The following CAPN11 variants were observed in gnomAD, a reference collection of about 807,000 sequenced individuals.
The protein encoded by CAPN11 is calpain 11.
A neutral mutation model predicts 105.3 loss-of-function variants in CAPN11; 108 were observed. That is an observed-to-expected ratio of 1.03 (90% CI 0.88 to 1.20). The LOEUF (loss-of-function observed/expected upper bound fraction) is 1.20. Among genes scored for constraint, CAPN11 ranks in the 50% most tolerant of loss-of-function variants. CAPN11 has a pLI of 0.00. For synonymous variants in CAPN11, 329 were observed against 344.5 expected, an observed-to-expected ratio of 0.96 and a Z score of 0.50; for missense variants, 883 against 924.8, an observed-to-expected ratio of 0.95 and a Z score of 0.59.
chr6:44,162,281 C>T (rs1768985522), intron 1 of CAPN11, among the ~76,000 whole-genome samples: 1 of 151,926 alleles, frequency 6.6e-6, no homozygotes, highest in East Asian at 1.9e-4. Context: ...CTGCTTTCCA[C>T]CCTTCCCTCG....
At chr6:44,159,303 A>T (rs1453927488) in intron 1 of CAPN11, among the ~76,000 whole-genome samples, 1 of 152,140 alleles carries the variant, frequency 6.6e-6, no homozygotes, top group African/African-American at 2.4e-5. Flanking sequence ...CAGGTCCCTC[A>T]GCCCAGGAAG....
In CAPN11 at chr6:44,169,503, T is replaced by A. The variant is rs1038789489; in HGVS notation, c.311T>A (p.Val104Glu). ...GACCTGGGCCCCAACTCCAAAAATG[T>A]GCAGAACATCTCCTGGCAGCGGCCC... Reference protein sequence around the residue: ...FKDLGPNSKNVQNISWQRPKD... With the variant: ...FKDLGPNSKNEQNISWQRPKD... The change falls in exon 3 of 23, where the codon GTG (valine) becomes GAG (glutamate). Residue 104 changes from valine (V) to glutamate (E), a missense_variant. Transcript: ENST00000398776. 2.1e-5 allele frequency: 34 copies of A among 1,598,930 alleles called. No homozygotes were observed. The highest frequency in any genetic ancestry group is 2.8e-5 in the Non-Finnish European group (33 of 1,172,984).
intron 1 of CAPN11, among the ~76,000 whole-genome samples, chr6:44,164,607 G>T (rs965784443): frequency 2.0e-5 from 3 of 152,182 alleles, no homozygotes; most frequent in African/African-American, 7.2e-5. Context: ...CACAGGGGAG[G>T]CTTCACAGAG....
In CAPN11 at chr6:44,181,180, A is replaced by AC. The variant is rs1308354022; in HGVS notation, c.1870-72_1870-71insC. The AC allele has an allele frequency of 4.8e-5, 68 of 1,425,870 alleles. No homozygotes were observed. In the East Asian group the frequency reaches 1.4e-3, roughly 30 times the overall value. The allele number at this position is 1,425,870 out of a possible 1,614,324, so 88.3% of individuals were successfully genotyped here. ...CCCAGGGCTTGTGTGTCCCCTCAGG[A>AC]ACCCCCGCTGCTTCCCTATCCCCTG... On this transcript the variant is annotated intron_variant, in intron 18 of 22. Transcript: ENST00000398776.
In CAPN11 at chr6:44,176,775, C is replaced by T; in HGVS notation, c.1077-63C>T. On this transcript the variant is annotated intron_variant, in intron 10 of 22. Coordinates refer to ENST00000398776, the MANE Select transcript of CAPN11 (RefSeq NM_007058.4). ...CTTGGGGTGGTTGTGGGGGGTGGTT[C>T]AGGGAGAGGGAACTGAGGATGCAAG... The T allele has an allele frequency of 3.8e-6, 6 of 1,595,696 alleles. No homozygotes were observed. In the South Asian group the frequency reaches 5.7e-5, roughly 15 times the overall value.
chr6:44,169,109 T>A (rs1382605411), intron 2 of CAPN11, 172 bp from the exon 3 acceptor site: 21 of 731,246 alleles, frequency 2.9e-5, no homozygotes, highest in Non-Finnish European at 3.9e-5. Context: ...TAAAAAAAAT[T>A]TTTTTGTCGA....
chr6:44,184,086 T>A lies in CAPN11; in HGVS notation c.*154T>A. 1 of 767,428 alleles carries A rather than the reference T, an allele frequency of 1.3e-6. No individual in the cohort carries two copies. Among genetic ancestry groups the A allele is most frequent in the Non-Finnish European group, 2.1e-6 (1 of 470,920 alleles). 47.5% of individuals were successfully genotyped at this position (767,428 alleles called of 1,614,324 possible). On this transcript the variant is annotated 3_prime_UTR_variant, in exon 23 of 23. Coordinates refer to ENST00000398776, the MANE Select transcript of CAPN11 (RefSeq NM_007058.4). Reference sequence around the variant, plus strand: ...GTGCCCGGGTCCCAGGTGCCGTGTTTACTGCAGCAGTGGGACCTCCGTGCC... The same window carrying A: ...GTGCCCGGGTCCCAGGTGCCGTGTTAACTGCAGCAGTGGGACCTCCGTGCC...
In CAPN11 at chr6:44,181,281, A is replaced by G; in HGVS notation, c.1899A>G (p.Leu633=). ...DKDGSGKLGL[L]EFKILWKKLK... ...ATGGCTCTGGCAAGCTGGGGCTTCT[A>G]GAGTTCAAGATCCTGTGGAAAAAAC... The change falls in exon 19 of 23, where the codon CTA becomes CTG. Residue 633 remains leucine, a synonymous_variant. Transcript: ENST00000398776. The G allele has an allele frequency of 6.2e-7, 1 of 1,613,554 alleles. No individual in the cohort carries two copies. The highest frequency in any genetic ancestry group is 1.3e-5 in the African/African-American group (1 of 74,962).
intron 1 of CAPN11, 67 bp from the exon 2 acceptor site, chr6:44,166,691 C>T: frequency 8.4e-7 from 1 of 1,194,952 alleles, no homozygotes; most frequent in Non-Finnish European, 1.2e-6. Context: ...CACCCCAGCC[C>T]CAGCTGGGCT....
rs546211585 is a variant in CAPN11 at position 44,172,251 on chromosome 6, C to A, written c.410-51C>A. ...CTAGGCCTTGGATTCTGAGGCCCAC[C>A]CACACATATGGGGTTGCTCAGGGGT... On this transcript the variant is annotated intron_variant, in intron 4 of 22. Transcript: ENST00000398776. 3.3e-5 allele frequency: 42 copies of A among 1,266,120 alleles called. No homozygotes were observed. The South Asian group carries it at 5.7e-4, about 17-fold the overall frequency. 78.4% of individuals were successfully genotyped at this position (1,266,120 alleles called of 1,614,324 possible). A position where few individuals can be genotyped will look rare whatever the true frequency, so the allele number is the denominator to read the frequency against.
Position 44,169,924 on chromosome 6 carries a change from C to G in CAPN11, c.358C>G (p.Leu120Val), listed in dbSNP as rs1003186043. 6 of 1,612,044 alleles carry G rather than the reference C, an allele frequency of 3.7e-6. No homozygotes were observed. Among genetic ancestry groups the G allele is most frequent in the Non-Finnish European group, 5.1e-6 (6 of 1,179,076 alleles). ...ACTGCAGGATATCATAAACAACCCT[C>G]TATTCATCATGGATGGGATTTCTCC... ...QRPKDIINNP[L>V]FIMDGISPTD... Residue 120 changes from leucine (L) to valine (V), a missense_variant, in exon 4 of 23, where the codon CTA (leucine) becomes GTA (valine). By Grantham distance (32) the Leu-to-Val change is conservative (BLOSUM62 1). Transcript: ENST00000398776.
intron 21 of CAPN11, 64 bp from the exon 22 acceptor site, chr6:44,183,641 A>G (rs1774141094): frequency 2.1e-5 from 31 of 1,482,752 alleles, no homozygotes; most frequent in Non-Finnish European, 2.9e-5. Context: ...CCTAGTTGGG[A>G]GTGGTTCTTT....
chr6:44,161,865 A>G, intron 1 of CAPN11: 1 of 456,216 alleles, frequency 2.2e-6, no homozygotes, highest in Non-Finnish European at 4.4e-6. Context: ...TGCACGGTGC[A>G]AGGGCATGGA....
intron 4 of CAPN11, 73 bp from the exon 5 acceptor site, chr6:44,172,229 G>C (rs1004049388): frequency 2.0e-6 from 2 of 981,858 alleles, no homozygotes; most frequent in Non-Finnish European, 3.0e-6. Context: ...TGCTCCCCTA[G>C]GCCTTGGATT....
At chr6:44,170,744 C>A (rs1770844119) in intron 4 of CAPN11, among the ~76,000 whole-genome samples, 1 of 152,170 alleles carries the variant, frequency 6.6e-6, no homozygotes, top group Non-Finnish European at 1.5e-5. Context: ...GTAGAAACCA[C>A]TACAGGTGCT....
At chr6:44,172,444 T>C in intron 5 of CAPN11, 24 bp downstream of exon 5, 1 of 1,416,212 alleles carries the variant, frequency 7.1e-7, no homozygotes, top group Non-Finnish European at 9.7e-7. Flanking sequence ...TGAGAGCCAC[T>C]GTGGCTTTGT....
At chr6:44,160,248 A>AATACAT (rs2128286642) in intron 1 of CAPN11, among the ~76,000 whole-genome samples, 1 of 152,376 alleles carries the variant, frequency 6.6e-6, no homozygotes, top group East Asian at 1.9e-4. Context: ...TTCCACAGTG[A>AATACAT]ATACATATTT....
chr6:44,180,193 C>T (rs1421288865), intron 14 of CAPN11, 30 bp downstream of exon 14: 19 of 1,498,206 alleles, frequency 1.3e-5, no homozygotes, highest in Non-Finnish European at 1.8e-5. Flanking sequence ...TGCTCCAAGG[C>T]CCGCCACCCA....
chr6:44,181,401 G>A, intron 19 of CAPN11, 81 bp downstream of exon 19: 1 of 1,039,364 alleles, frequency 9.6e-7, no homozygotes, highest in Non-Finnish European at 1.4e-6. Flanking sequence ...GGGGAAGCTA[G>A]AACCCAAGCC....
Sources: gnomAD v4.1 joint callset for allele counts (sites outside exome capture counted in the v4.1 genomes callset) on GRCh38, gnomAD v4.1.1 for gene constraint, MANE v1.5 for transcripts, NCBI Gene and HGNC (gene_info 2026-07-23, HGNC 2026-07-21) for gene names.